Variants in TBC1D19 observed in about 807,000 individuals in gnomAD.
TBC1D19 encodes TBC1 domain family, member 19.
In TBC1D19, 60 loss-of-function variants were observed where a neutral mutation model predicts 89.0. The ratio of observed to expected loss-of-function variants is 0.67; its 90% confidence interval spans 0.55 to 0.84. TBC1D19 has a LOEUF of 0.84. Among genes scored for constraint, TBC1D19 ranks in the 40% least tolerant of loss-of-function variants. The pLI is 0.00. For missense variants in TBC1D19, 500 were observed against 610.8 expected, an observed-to-expected ratio of 0.82 and a Z score of 1.91; for synonymous variants, 189 against 199.7, an observed-to-expected ratio of 0.95 and a Z score of 0.45.
intron 9 of TBC1D19, among the ~76,000 whole-genome samples, chr4:26,667,914 G>A (rs542180849): frequency 6.6e-6 from 1 of 151,908 alleles, no homozygotes; most frequent in East Asian, 1.9e-4. Context: ...CTTTGTCTTA[G>A]TCAATCTGGC....
chr4:26,608,661 A>G (rs911101230), intron 1 of TBC1D19, among the ~76,000 whole-genome samples: 5 of 152,134 alleles, frequency 3.3e-5, no homozygotes, highest in African/African-American at 1.2e-4. Context: ...TCTCCGAATC[A>G]TTTTCAAATG....
chr4:26,660,136 A>C (rs1745132980), intron 8 of TBC1D19, among the ~76,000 whole-genome samples: 2 of 152,198 alleles, frequency 1.3e-5, no homozygotes, highest in African/African-American at 4.8e-5. Context: ...AATTAATTAG[A>C]GACTGGCTTT....
At chr4:26,648,733 T>G (rs1744127363) in intron 7 of TBC1D19, among the ~76,000 whole-genome samples, 1 of 152,196 alleles carries the variant, frequency 6.6e-6, no homozygotes, top group South Asian at 2.1e-4. Flanking sequence ...AAACTGCCTT[T>G]ATGATGATGG....
the TBC1D19 span, among the ~76,000 whole-genome samples, chr4:26,841,597 G>C: frequency 1.3e-5 from 2 of 152,242 alleles, no homozygotes; most frequent in Non-Finnish European, 2.9e-5. Flanking sequence ...GCTGGTGAGA[G>C]GGGGAACATG....
chr4:26,739,732 T>C (rs1464761837), intron 16 of TBC1D19, 132 bp from the exon 17 acceptor site: 1 of 471,104 alleles, frequency 2.1e-6, no homozygotes, highest in Non-Finnish European at 3.6e-6. Flanking sequence ...TGAAAAAAAG[T>C]AGTATGATTT....
chr4:26,761,904 A>C, the TBC1D19 span, among the ~76,000 whole-genome samples: 1 of 152,192 alleles, frequency 6.6e-6, no homozygotes, highest in Non-Finnish European at 1.5e-5. Flanking sequence ...AGGTGGGCGG[A>C]TCACTTGAGA....
chr4:26,592,026 A>G (rs1739845835), intron 1 of TBC1D19, among the ~76,000 whole-genome samples: 1 of 152,158 alleles, frequency 6.6e-6, no homozygotes, highest in Non-Finnish European at 1.5e-5. Flanking sequence ...CCTGGCAGAG[A>G]CACAACAAAA....
the TBC1D19 span, among the ~76,000 whole-genome samples, chr4:26,799,535 C>T: frequency 6.6e-6 from 1 of 152,190 alleles, no homozygotes; most frequent in African/African-American, 2.4e-5. Context: ...ATTAATATGT[C>T]AAAACCTAAT....
chr4:26,758,566 A>G (rs573366259), downstream of TBC1D19, among the ~76,000 whole-genome samples: 41 of 152,278 alleles, frequency 2.7e-4, no homozygotes, highest in African/African-American at 9.9e-4. Flanking sequence ...AATGAGAGCT[A>G]GTGAAACTTA....
At chr4:26,786,495 A>C in the TBC1D19 span, among the ~76,000 whole-genome samples, 1 of 152,100 alleles carries the variant, frequency 6.6e-6, no homozygotes, top group African/African-American at 2.4e-5. Context: ...TTAGCCAGGC[A>C]TGGTGGCCAG....
chr4:26,623,050 T>C (rs1742161730), intron 4 of TBC1D19, among the ~76,000 whole-genome samples: 1 of 152,196 alleles, frequency 6.6e-6, no homozygotes, highest in South Asian at 2.1e-4. Context: ...ATTTGTTCTT[T>C]TTGAGACACT....
At chr4:26,633,982 A>G (rs914745030) in intron 4 of TBC1D19, among the ~76,000 whole-genome samples, 8 of 151,928 alleles carry the variant, frequency 5.3e-5, no homozygotes, top group African/African-American at 1.5e-4. Context: ...CTTTTTCTCA[A>G]ATCATATTTG....
At chr4:26,741,942 A>G (rs1474742548) in intron 17 of TBC1D19, among the ~76,000 whole-genome samples, 1 of 152,242 alleles carries the variant, frequency 6.6e-6, no homozygotes, top group Non-Finnish European at 1.5e-5. Flanking sequence ...AAGTAATCAA[A>G]CATTCTTGTT....
intron 13 of TBC1D19, among the ~76,000 whole-genome samples, chr4:26,692,624 G>A (rs983674688): frequency 6.6e-6 from 1 of 152,188 alleles, no homozygotes; most frequent in African/African-American, 2.4e-5. Flanking sequence ...ATGGAGTATA[G>A]GAAAGTTCCA....
At chr4:26,820,480 C>T in the TBC1D19 span, among the ~76,000 whole-genome samples, 1 of 152,222 alleles carries the variant, frequency 6.6e-6, no homozygotes, top group Non-Finnish European at 1.5e-5. Flanking sequence ...TTCGACCAAG[C>T]ATAACATCCT....
intron 18 of TBC1D19, among the ~76,000 whole-genome samples, chr4:26,747,850 C>T (rs1008498313): frequency 6.6e-6 from 1 of 152,118 alleles, no homozygotes; most frequent in Non-Finnish European, 1.5e-5. Flanking sequence ...TCTATAACCT[C>T]CTAACTAAAA....
At chr4:26,667,995 T>C (rs1711963779) in intron 9 of TBC1D19, among the ~76,000 whole-genome samples, 1 of 151,988 alleles carries the variant, frequency 6.6e-6, no homozygotes, top group African/African-American at 2.4e-5. Flanking sequence ...TATCTCCATA[T>C]TAAAGTAGAG....
chr4:26,700,726 G>C lies in TBC1D19; in HGVS notation c.954+12319G>C, dbSNP rs956126970. ...ATTTGTTATGCAGGAAAATTCTATTGGTTTTGTCCTAAAGAAAGAATAGTT... is the reference window on the plus strand; with the variant it reads ...ATTTGTTATGCAGGAAAATTCTATTCGTTTTGTCCTAAAGAAAGAATAGTT... On this transcript the variant is annotated intron_variant, in intron 13 of 20. Coordinates refer to ENST00000264866, the MANE Select transcript of TBC1D19 (RefSeq NM_018317.4). 5.3e-5 allele frequency among the ~76,000 whole-genome samples: 8 copies of C among 151,992 alleles called. No homozygotes were observed. The East Asian group carries it at 1.5e-3, about 29-fold the overall frequency.
chr4:26,640,109 T>G, intron 6 of TBC1D19, 32 bp from the exon 7 acceptor site: 1 of 1,468,068 alleles, frequency 6.8e-7, no homozygotes, highest in East Asian at 2.3e-5. Flanking sequence ...TATTATTAGC[T>G]GAAATTTTGT....
Sources: gnomAD v4.1 joint callset for allele counts (sites outside exome capture counted in the v4.1 genomes callset) on GRCh38, gnomAD v4.1.1 for gene constraint, MANE v1.5 for transcripts, NCBI Gene and HGNC (gene_info 2026-07-23, HGNC 2026-07-21) for gene names.